The following UBR1 variants were observed in gnomAD, a reference collection of about 807,000 sequenced individuals.
UBR1 encodes E3 ubiquitin-protein ligase UBR1.
UBR1 carries 102 observed loss-of-function variants against 242.1 expected under a neutral mutation model. The observed-to-expected ratio is 0.42, with a 90% CI of 0.36 to 0.50. The LOEUF is 0.50. Among genes scored for constraint, UBR1 ranks in the 20% least tolerant of loss-of-function variants. The pLI is 0.01. For synonymous variants in UBR1, 675 were observed against 684.8 expected, an observed-to-expected ratio of 0.99 and a Z score of 0.22; for missense variants, 1,772 against 2,101.8, an observed-to-expected ratio of 0.84 and a Z score of 3.07.
At chr15:43,089,427 G>A (rs1418864403) in intron 1 of UBR1, among the ~76,000 whole-genome samples, 6 of 148,780 alleles carry the variant, frequency 4.0e-5, no homozygotes, top group Non-Finnish European at 6.0e-5. Flanking sequence ...CCCAGGAGGC[G>A]GAGCTTGCAG....
At chr15:43,088,692 A>C (rs2034068426) in intron 1 of UBR1, among the ~76,000 whole-genome samples, 1 of 152,086 alleles carries the variant, frequency 6.6e-6, no homozygotes, top group Admixed American at 6.5e-5. Flanking sequence ...ACATAGACTA[A>C]GGGTCTGGAA....
At chr15:43,006,729 C>T (rs1234327936) in intron 30 of UBR1, among the ~76,000 whole-genome samples, 6 of 151,970 alleles carry the variant, frequency 3.9e-5, no homozygotes, top group Non-Finnish European at 7.4e-5. Flanking sequence ...GAATGTGACA[C>T]ATTATACAAA....
chr15:42,988,590 AT>A, intron 35 of UBR1: 1 of 564,994 alleles, frequency 1.8e-6, no homozygotes, highest in Non-Finnish European at 3.1e-6. Flanking sequence ...CTTTTTAAAA[AT>A]ATTTTTTTTA....
intron 15 of UBR1, among the ~76,000 whole-genome samples, chr15:43,040,021 G>A (rs922889222): frequency 6.6e-6 from 1 of 152,114 alleles, no homozygotes; most frequent in Non-Finnish European, 1.5e-5. Flanking sequence ...TGACCATGCT[G>A]CCCAAGGTAA....
chr15:43,104,730 T>A (rs959057626), intron 1 of UBR1, among the ~76,000 whole-genome samples: 3 of 150,876 alleles, frequency 2.0e-5, no homozygotes, highest in Admixed American at 2.0e-4. Context: ...CCTTCAAGAA[T>A]GCTTTTAATC....
At chr15:43,006,770 C>T (rs2032837576) in intron 30 of UBR1, among the ~76,000 whole-genome samples, 1 of 151,464 alleles carries the variant, frequency 6.6e-6, no homozygotes, top group Non-Finnish European at 1.5e-5. Flanking sequence ...AAAAAAGCTA[C>T]TATCATAAAA....
In UBR1 at chr15:43,067,904, G is replaced by A; in HGVS notation, c.792C>T (p.Asp264=). 6.2e-7 allele frequency: 1 copy of A among 1,613,976 alleles called. No homozygotes were observed. ...TCAAAAGGAGACCACAAACCTCTTT[G>A]TCAATGGCAGTGGTATGCAACTGGG... ...AEAQLHTTAI[D]KEGRRAVKAG... is the part of the protein sequence containing the mutation. Residue 264 remains aspartate, a synonymous_variant, in exon 6 of 47, where the codon GAC becomes GAT. Transcript: ENST00000290650.
intron 43 of UBR1, among the ~76,000 whole-genome samples, chr15:42,959,311 G>T (rs1366711924): frequency 6.6e-6 from 1 of 151,968 alleles, no homozygotes; most frequent in Non-Finnish European, 1.5e-5. Context: ...CCTGTCTCAG[G>T]CTCCTGAGTA....
At chr15:42,998,001 T>C (rs1172587351) in intron 33 of UBR1, among the ~76,000 whole-genome samples, 167 bp downstream of exon 33, 2 of 152,208 alleles carry the variant, frequency 1.3e-5, no homozygotes, top group Non-Finnish European at 2.9e-5. Flanking sequence ...AACGATTAAA[T>C]TTAATAAAGC....
intron 30 of UBR1, among the ~76,000 whole-genome samples, chr15:43,004,478 G>C (rs1186386148): frequency 1.3e-5 from 2 of 152,234 alleles, no homozygotes; most frequent in East Asian, 3.9e-4. Context: ...CAACCTCCCT[G>C]CCTGATTCTC....
At position 43,087,415 on chromosome 15, in the gene UBR1, T is replaced by A. The variant is rs544811817; in HGVS notation, c.82-1175A>T. 4.4e-3 allele frequency among the ~76,000 whole-genome samples: 666 copies of A among 151,844 alleles called. 9 individuals are homozygous for A. Among genetic ancestry groups the A allele is most frequent in the African/African-American group, 0.015 (637 of 41,432 alleles). On this transcript the variant is annotated intron_variant, in intron 1 of 46. Transcript: ENST00000290650. ...GTGAGACTCCAACTCAAAAAAAAAA[T>A]AAAATAAAATAATTAGAATTAAGAT...
intron 44 of UBR1, among the ~76,000 whole-genome samples, 196 bp downstream of exon 44, chr15:42,957,817 T>C (rs910154388): frequency 1.3e-5 from 2 of 151,974 alleles, no homozygotes; most frequent in Admixed American, 6.6e-5. Flanking sequence ...CAGTGAGCTA[T>C]AGTCAAATCA....
intron 4 of UBR1, among the ~76,000 whole-genome samples, chr15:43,073,464 T>C (rs2033848986): frequency 6.6e-6 from 1 of 152,210 alleles, no homozygotes; most frequent in Non-Finnish European, 1.5e-5. Context: ...CTAGCATTTC[T>C]CTAGAAAGAA....
intron 42 of UBR1, among the ~76,000 whole-genome samples, chr15:42,961,025 G>A (rs1056296578): frequency 1.3e-5 from 2 of 151,986 alleles, no homozygotes; most frequent in African/African-American, 4.8e-5. Context: ...CTCCCAAAGT[G>A]CTGGGATTAC....
At chr15:42,973,180 T>C (rs956467914) in intron 39 of UBR1, among the ~76,000 whole-genome samples, 1 of 152,216 alleles carries the variant, frequency 6.6e-6, no homozygotes, top group African/African-American at 2.4e-5. Flanking sequence ...CTTTATTTTT[T>C]AGAGACGGGA....
At chr15:43,037,304 C>T (rs1250131655) in intron 17 of UBR1, among the ~76,000 whole-genome samples, 1 of 148,612 alleles carries the variant, frequency 6.7e-6, no homozygotes, top group Non-Finnish European at 1.5e-5. Flanking sequence ...GCTGAGATTA[C>T]ACCACTGCAC....
chr15:42,966,399 C>T, intron 40 of UBR1, 113 bp from the exon 41 acceptor site: 1 of 1,435,984 alleles, frequency 7.0e-7, no homozygotes, highest in Non-Finnish European at 9.6e-7. Context: ...ATTTATTATC[C>T]ATGCAATTTT....
chr15:42,983,374 A>C (rs1265927453), intron 37 of UBR1, among the ~76,000 whole-genome samples: 2 of 151,972 alleles, frequency 1.3e-5, no homozygotes, highest in African/African-American at 4.8e-5. Flanking sequence ...TAAGGTCATG[A>C]AGGCCAGGAG....
At chr15:43,059,564 GA>G (rs2033657600) in intron 8 of UBR1, 137 bp downstream of exon 8, 2 of 1,024,814 alleles carry the variant, frequency 2.0e-6, no homozygotes, top group Middle Eastern at 3.3e-4. Context: ...ATGCAACCCT[GA>G]AAATTAATCA....
Sources: allele counts gnomAD v4.1 joint callset (sites outside exome capture counted in the v4.1 genomes callset), GRCh38; gene constraint gnomAD v4.1.1; transcripts MANE v1.5; gene names NCBI Gene and HGNC (gene_info 2026-07-23, HGNC 2026-07-21).